The following PGM5 variants were observed in gnomAD, a reference collection of about 807,000 sequenced individuals.
The protein encoded by PGM5 is phosphoglucomutase-like protein 5.
PGM5 carries 23 observed loss-of-function variants against 59.2 expected under a neutral mutation model. The ratio of observed to expected loss-of-function variants is 0.39; its 90% CI spans 0.28 to 0.55. The LOEUF is 0.55. Ranked by LOEUF, PGM5 falls within the 20% of genes least tolerant of loss-of-function variation. PGM5 has a pLI of 0.66. For missense variants in PGM5, 574 were observed against 748.3 expected (o/e 0.77, Z 2.72); for synonymous variants, 214 against 286.0 (o/e 0.75, Z 2.54).
At chr9:68,421,571 G>C (rs1329919405) in intron 6 of PGM5, among the ~76,000 whole-genome samples, 2 of 151,992 alleles carry the variant, frequency 1.3e-5, no homozygotes, top group African/African-American at 4.8e-5. Flanking sequence ...ACAAAAATTA[G>C]TCAGGCATGG....
chr9:68,466,117 C>T (rs1554685780), intron 7 of PGM5: 1 of 1,292,106 alleles, frequency 7.7e-7, no homozygotes. Context: ...CTCTTACATT[C>T]ATTTTTCTGA....
At chr9:68,491,690 C>T (rs1406898302) in intron 9 of PGM5, among the ~76,000 whole-genome samples, 1 of 152,158 alleles carries the variant, frequency 6.6e-6, no homozygotes, top group Non-Finnish European at 1.5e-5. Context: ...TTTATAATGA[C>T]CTGTCAGCTG....
At chr9:68,444,316 C>T (rs1465737302) in intron 6 of PGM5, among the ~76,000 whole-genome samples, 2 of 152,110 alleles carry the variant, frequency 1.3e-5, no homozygotes, top group African/African-American at 2.4e-5. Flanking sequence ...CCTAACTTCT[C>T]TTTCCATAGG....
At chr9:68,401,604 A>G (rs1554680622) in intron 6 of PGM5, among the ~76,000 whole-genome samples, 1 of 151,308 alleles carries the variant, frequency 6.6e-6, no homozygotes, top group Admixed American at 6.6e-5. Flanking sequence ...TGGGGTTTCA[A>G]TGCCATCCAG....
intron 7 of PGM5, among the ~76,000 whole-genome samples, chr9:68,477,187 C>A (rs1266004399): frequency 6.6e-6 from 1 of 152,174 alleles, no homozygotes; most frequent in South Asian, 2.1e-4. Context: ...GTCCTGTTAA[C>A]CCAGAGGCAA....
intron 1 of PGM5, among the ~76,000 whole-genome samples, chr9:68,369,981 A>C (rs1834753479): frequency 6.6e-6 from 1 of 151,928 alleles, no homozygotes; most frequent in Non-Finnish European, 1.5e-5. Context: ...ACACTACTTA[A>C]GGACTGGCAT....
chr9:68,369,728 G>A (rs1311583468), intron 1 of PGM5, among the ~76,000 whole-genome samples: 2 of 152,182 alleles, frequency 1.3e-5, no homozygotes, highest in Non-Finnish European at 2.9e-5. Flanking sequence ...GAAATCCATG[G>A]TGGTTTGATG....
intron 7 of PGM5, 120 bp from the exon 8 acceptor site, chr9:68,479,298 G>A: frequency 1.2e-6 from 1 of 821,210 alleles, no homozygotes; most frequent in Admixed American, 2.5e-5. Context: ...TTAATATAAT[G>A]GGTAAATGAT....
intron 8 of PGM5, 112 bp from the exon 9 acceptor site, chr9:68,483,753 A>C: frequency 1.1e-6 from 1 of 898,646 alleles, no homozygotes; most frequent in East Asian, 2.6e-5. Flanking sequence ...TTGAAGGTGC[A>C]TTTCTGTGCT....
At chr9:68,367,575 T>A (rs1834704613) in intron 1 of PGM5, among the ~76,000 whole-genome samples, 1 of 152,226 alleles carries the variant, frequency 6.6e-6, no homozygotes, top group African/African-American at 2.4e-5. Context: ...GGAGGCATAA[T>A]CTTTTTTTGG....
At chr9:68,360,144 G>A (rs1207091561) in intron 1 of PGM5, among the ~76,000 whole-genome samples, 5 of 152,014 alleles carry the variant, frequency 3.3e-5, no homozygotes, top group Non-Finnish European at 2.9e-5. Context: ...ACAAAGCAAT[G>A]TTCTAGGAAA....
chr9:68,416,289 G>A (rs375112343), intron 6 of PGM5, among the ~76,000 whole-genome samples: 116 of 152,358 alleles, frequency 7.6e-4, no homozygotes, highest in African/African-American at 2.6e-3. Flanking sequence ...TCCGGCAGTA[G>A]TGCATGATGA....
At chr9:68,502,734 G>A (rs1824597788) in intron 10 of PGM5, among the ~76,000 whole-genome samples, 1 of 152,166 alleles carries the variant, frequency 6.6e-6, no homozygotes, top group East Asian at 1.9e-4. Flanking sequence ...CTGTGGCCCA[G>A]GTTGAAGTGC....
At chr9:68,385,335 C>T (rs1254523835) in intron 3 of PGM5, among the ~76,000 whole-genome samples, 3 of 152,286 alleles carry the variant, frequency 2.0e-5, no homozygotes, top group African/African-American at 7.2e-5. Flanking sequence ...AGCTTGAATG[C>T]AGTTTGTGTT....
intron 6 of PGM5, among the ~76,000 whole-genome samples, chr9:68,445,795 T>G (rs1192980050): frequency 2.0e-5 from 3 of 152,236 alleles, no homozygotes; most frequent in Non-Finnish European, 4.4e-5. Flanking sequence ...GCTAAACATT[T>G]ACACTAAACA....
In PGM5 at chr9:68,530,468, A is replaced by G. The variant is rs1825062599; in HGVS notation, c.*812A>G. On this transcript the variant is annotated 3_prime_UTR_variant, in exon 11 of 11. Coordinates refer to ENST00000396396, the MANE Select transcript of PGM5 (RefSeq NM_021965.4). ...GGATCCTTCCTTGATTACATCAAGT[A>G]TGTTGGTACATGGGTTTATACAAGT... 1 of 152,228 alleles carries G rather than the reference A, an allele frequency of 6.6e-6. No homozygotes were observed. Among genetic ancestry groups the G allele is most frequent in the African/African-American group, 2.4e-5 (1 of 41,454 alleles). 9.4% of individuals were successfully genotyped at this position (152,228 alleles called of 1,614,324 possible). A position where few individuals can be genotyped will look rare whatever the true frequency, so the allele number is the denominator to read the frequency against.
rs530764282 is a variant in PGM5 at position 68,459,868 on chromosome 9, T to TA, written c.1044-5217dup. Among the ~76,000 whole-genome samples the TA allele has an allele frequency of 9.5e-3, 1,440 of 152,180 alleles. 24 individuals carry two copies. Among genetic ancestry groups the TA allele is most frequent in the African/African-American group, 0.032 (1,342 of 41,510 alleles). Reference sequence around the variant, plus strand: ...CTATTTTTTTAAGGTTATCTGCCTTTAAAAAAAACTAATTTATAAGAGTTT... The same window carrying TA: ...CTATTTTTTTAAGGTTATCTGCCTTTAAAAAAAAACTAATTTATAAGAGTTT... On this transcript the variant is annotated intron_variant, in intron 6 of 10. Transcript: ENST00000396396.
chr9:68,412,522 A>C (rs1267146424), intron 6 of PGM5, among the ~76,000 whole-genome samples: 1 of 152,202 alleles, frequency 6.6e-6, no homozygotes, highest in African/African-American at 2.4e-5. Context: ...TTTTCTTCAC[A>C]AGCAGCTTGG....
chr9:68,426,218 G>C (rs1372451546), intron 6 of PGM5, among the ~76,000 whole-genome samples: 6 of 150,750 alleles, frequency 4.0e-5, no homozygotes, highest in African/African-American at 1.5e-4. Flanking sequence ...TCTGAACTTG[G>C]ACAAGTCACT....
Sources: allele counts gnomAD v4.1 joint callset (sites outside exome capture counted in the v4.1 genomes callset), GRCh38; gene constraint gnomAD v4.1.1; transcripts MANE v1.5; gene names NCBI Gene and HGNC (gene_info 2026-07-23, HGNC 2026-07-21).